Variants in FBXO46 observed in about 807,000 individuals in gnomAD.
The protein encoded by FBXO46 is F-box only protein 46.
Under a neutral mutation model 30.7 loss-of-function variants are expected in FBXO46, and 13 were observed. That is an observed-to-expected ratio of 0.42 (90% CI 0.28 to 0.67). The LOEUF is 0.67. Among genes scored for constraint, FBXO46 ranks in the 30% least tolerant of loss-of-function variants. The pLI is 0.21. For missense variants in FBXO46, 754 were observed against 871.5 expected (o/e 0.87, Z 1.70); for synonymous variants, 467 against 385.8 (o/e 1.21, Z -2.47).
intron 1 of FBXO46, chr19:45,716,049 A>G (rs1261445511): frequency 6.6e-6 from 1 of 152,092 alleles, no homozygotes; most frequent in Non-Finnish European, 1.5e-5. Flanking sequence ...ACCAATTCAC[A>G]TACATGTTGA....
In FBXO46 at chr19:45,711,289, A is replaced by C; in HGVS notation, c.*395T>G. 1 of 434,218 alleles carries C rather than the reference A, an allele frequency of 2.3e-6. No individual in the cohort carries two copies. 26.9% of individuals were successfully genotyped at this position (434,218 alleles called of 1,614,324 possible). Reference sequence around the variant, plus strand: ...GAAATAACAGCTCCAGCGAGAAAGAATTGGGGTGAGGGAGAGGATGGGGGC... The same window carrying C: ...GAAATAACAGCTCCAGCGAGAAAGACTTGGGGTGAGGGAGAGGATGGGGGC... On this transcript the variant is annotated 3_prime_UTR_variant, in exon 2 of 2. Coordinates refer to ENST00000317683, the MANE Select transcript of FBXO46 (RefSeq NM_001080469.2).
In FBXO46 at chr19:45,712,458, G is replaced by A. The variant is rs748319180; in HGVS notation, c.1038C>T (p.Asp346=). The change falls in exon 2 of 2, where the codon GAC becomes GAT. Residue 346 remains aspartate (D), a synonymous_variant. Transcript: ENST00000317683. The surrounding 1 kb of genome is among the most constrained non-coding windows in gnomAD (Gnocchi z 8.8). The part of the protein sequence containing the change: ...GDSPAPARPE[D]TPPAPPPPPA... ...GGGGCGGAGGGGGCGCCGGGGGAGT[G>A]TCCTCAGGCCTGGCGGGTGCCGGGC... 2 of 1,611,118 alleles carry A rather than the reference G, an allele frequency of 1.2e-6. No homozygotes were observed. Among genetic ancestry groups the A allele is most frequent in the African/African-American group, 1.3e-5 (1 of 74,920 alleles).
rs1568543536 is a variant in FBXO46, at chr19:45,711,441, A to T, written c.*243T>A. The T allele has an allele frequency of 3.2e-6, 2 of 634,108 alleles. No individual in the cohort carries two copies. The highest frequency in any genetic ancestry group is 5.6e-6 in the Non-Finnish European group (2 of 354,706). 39.3% of individuals were successfully genotyped at this position (634,108 alleles called of 1,614,324 possible). On this transcript the variant is annotated 3_prime_UTR_variant, in exon 2 of 2. Coordinates refer to ENST00000317683, the MANE Select transcript of FBXO46 (RefSeq NM_001080469.2). ...GAATGGAGAAGAAAGTGAGATGCTG[A>T]TAAAAAAAAAAAAAACACCCTTCTC... is the stretch of plus-strand genomic sequence containing the variant.
At chr19:45,721,868 A>T (rs763497866) in intron 1 of FBXO46, among the ~76,000 whole-genome samples, 11 of 144,840 alleles carry the variant, frequency 7.6e-5, no homozygotes, top group Non-Finnish European at 1.5e-4. Flanking sequence ...TTTGAGATGG[A>T]GTCGTGCTGT....
At chr19:45,732,588 C>CTTTTTTTTTTTTTTTTT (rs750349502), upstream of FBXO46, among the ~76,000 whole-genome samples, 2 of 86,944 alleles carry the variant, frequency 2.3e-5, no homozygotes, top group African/African-American at 9.8e-5. Flanking sequence ...CTTTTTTTTC[C>CTTTTTTTTTTTTTTTTT]TTTTTTTTTT....
chr19:45,712,974 C>A lies in FBXO46; in HGVS notation c.522G>T (p.Glu174Asp). 1 of 1,579,032 alleles carries A rather than the reference C, an allele frequency of 6.3e-7. No individual in the cohort carries two copies. The highest frequency in any genetic ancestry group is 1.3e-5 in the African/African-American group (1 of 74,234). Residue 174 changes from glutamate to aspartate, a missense_variant, in exon 2 of 2, where the codon GAG becomes GAT. By Grantham distance (45) the Glu-to-Asp change is conservative. Transcript: ENST00000317683. This position sits in a 1 kb window ranked among gnomAD's most constrained non-coding sequence, Gnocchi z 8.8. ...GEDVDLLSVA[E>D]MVALVEQRAA... ...CCCGCTGTTCCACCAGGGCCACCAT[C>A]TCGGCCACAGAGAGCAGGTCCACGT...
chr19:45,714,127 A>G (rs900760009), intron 1 of FBXO46, among the ~76,000 whole-genome samples: 2 of 152,088 alleles, frequency 1.3e-5, no homozygotes, highest in African/African-American at 4.8e-5. Context: ...CCACTGTCCA[A>G]CTGCCTTTGC....
At chr19:45,726,941 AT>A (rs1036546161) in intron 1 of FBXO46, among the ~76,000 whole-genome samples, 1 of 152,090 alleles carries the variant, frequency 6.6e-6, no homozygotes, top group Non-Finnish European at 1.5e-5. Context: ...CAGAGTTTAA[AT>A]GTGGTCCCAT....
Position 45,712,908 on chromosome 19 carries a change from T to C in FBXO46, c.588A>G (p.Pro196=). Residue 196 remains proline (P), a synonymous_variant, in exon 2 of 2, where the codon CCA becomes CCG. Transcript: ENST00000317683. This position sits in a 1 kb window ranked among gnomAD's most constrained non-coding sequence, Gnocchi z 8.8. The part of the protein sequence containing the change: ...ALQSYPRPTT[P]APVVFVSAEQ... ...CGGCGGACACAAAGACTACAGGCGC[T>C]GGGGTGGTCGGTCGTGGGTAGCTCT... 1.2e-6 allele frequency: 2 copies of C among 1,612,094 alleles called. No homozygotes were observed. The highest frequency in any genetic ancestry group is 8.5e-7 in the Non-Finnish European group (1 of 1,179,254).
At chr19:45,723,541 ATTTTTG>A (rs1163044269) in intron 1 of FBXO46, 1 of 152,098 alleles carries the variant, frequency 6.6e-6, no homozygotes, top group Non-Finnish European at 1.5e-5. Context: ...TTTTCATTTT[ATTTTTG>A]TTTTGTTTTG....
At chr19:45,721,810 G>C (rs572253143) in intron 1 of FBXO46, among the ~76,000 whole-genome samples, 3 of 150,834 alleles carry the variant, frequency 2.0e-5, no homozygotes, top group African/African-American at 7.4e-5. Flanking sequence ...TGGGATTATA[G>C]GCGTGAGCCA....
intron 1 of FBXO46, among the ~76,000 whole-genome samples, chr19:45,727,775 A>G (rs897681660): frequency 1.3e-5 from 2 of 152,210 alleles, no homozygotes; most frequent in Non-Finnish European, 2.9e-5. Flanking sequence ...AAACTGCCCA[A>G]TGAGGCCTTA....
chr19:45,730,617 A>G (rs1366815220), intron 1 of FBXO46, among the ~76,000 whole-genome samples: 1 of 151,724 alleles, frequency 6.6e-6, no homozygotes, highest in Non-Finnish European at 1.5e-5. Flanking sequence ...CCCAGCTCTG[A>G]GCCCCTTTAC....
intron 1 of FBXO46, among the ~76,000 whole-genome samples, chr19:45,722,374 T>A (rs1189096714): frequency 1.3e-5 from 2 of 152,114 alleles, no homozygotes; most frequent in Non-Finnish European, 2.9e-5. Flanking sequence ...TTCAGCCCCA[T>A]GTGCCTCAGT....
At chr19:45,723,797 C>G (rs558633719) in intron 1 of FBXO46, among the ~76,000 whole-genome samples, 1 of 152,016 alleles carries the variant, frequency 6.6e-6, no homozygotes, top group Non-Finnish European at 1.5e-5. Flanking sequence ...GTAGCTGGGA[C>G]TACAGGCGTG....
At position 45,721,610 on chromosome 19, in the gene FBXO46, T is replaced by C. The variant is rs567263787; in HGVS notation, c.-78-8037A>G. On this transcript the variant is annotated intron_variant, in intron 1 of 1. Coordinates refer to ENST00000317683, the MANE Select transcript of FBXO46 (RefSeq NM_001080469.2). ...TTCTGTCACCCAGGCTGGAGTGCAG[T>C]GGCACGATCTCGGCTCACTCGAACC... 8.8e-5 allele frequency among the ~76,000 whole-genome samples: 13 copies of C among 147,046 alleles called. No individual in the cohort carries two copies. The South Asian group carries it at 2.0e-3, about 22-fold the overall frequency.
At chr19:45,723,164 G>A (rs1223241619) in intron 1 of FBXO46, among the ~76,000 whole-genome samples, 1 of 152,066 alleles carries the variant, frequency 6.6e-6, no homozygotes, top group African/African-American at 2.4e-5. Flanking sequence ...CTTGAGCCTT[G>A]GAGATCAAGA....
In FBXO46 at chr19:45,712,422, G is replaced by C. The variant is rs753319966; in HGVS notation, c.1074C>G (p.Asp358Glu). 1 of 1,610,262 alleles carries C rather than the reference G, an allele frequency of 6.2e-7. No homozygotes were observed. Among genetic ancestry groups the C allele is most frequent in the Non-Finnish European group, 8.5e-7 (1 of 1,179,682 alleles). The change falls in exon 2 of 2, where the codon GAC (aspartate) becomes GAG (glutamate). Residue 358 changes from aspartate to glutamate, a missense_variant. Coordinates refer to ENST00000317683, the MANE Select transcript of FBXO46 (RefSeq NM_001080469.2). This position sits in a 1 kb window ranked among gnomAD's most constrained non-coding sequence, Gnocchi z 8.8. The stretch of plus-strand genomic sequence containing the variant: ...CCACGTGGAAGCCTGACGCTCCGCA[G>C]TCCCGGGCAGGGGGCGGAGGGGGCG... ...PPAPPPPPAR[D>E]CGASGFHVDV...
At chr19:45,724,741 C>T (rs1968216298) in intron 1 of FBXO46, among the ~76,000 whole-genome samples, 1 of 152,170 alleles carries the variant, frequency 6.6e-6, no homozygotes, top group Non-Finnish European at 1.5e-5. Flanking sequence ...GCAACCTCCG[C>T]CTCCTGGGGT....
Sources: gnomAD v4.1 joint callset for allele counts (sites outside exome capture counted in the v4.1 genomes callset) on GRCh38, gnomAD v4.1.1 for gene constraint, Gnocchi (gnomAD v3.1) non-coding constraint, MANE v1.5 for transcripts, NCBI Gene and HGNC (gene_info 2026-07-23, HGNC 2026-07-21) for gene names.